The following ZNF611 variants were observed in gnomAD, a reference collection of about 807,000 sequenced individuals.
ZNF611 encodes zinc finger protein 611.
Under a neutral mutation model 8.9 loss-of-function variants are expected in ZNF611, and 6 were observed. The observed-to-expected ratio is 0.68, with a 90% CI of 0.37 to 1.34. ZNF611 has a LOEUF of 1.34. Among genes scored for constraint, ZNF611 ranks in the 40% most tolerant of loss-of-function variants. ZNF611 has a pLI of 0.02. For synonymous variants in ZNF611, 262 were observed against 279.7 expected, an observed-to-expected ratio of 0.94 and a Z score of 0.63; for missense variants, 874 against 841.3, an observed-to-expected ratio of 1.04 and a Z score of -0.48.
chr19:52,734,187 GT>G (rs532673029), intron 1 of ZNF611, among the ~76,000 whole-genome samples: 1,824 of 84,626 alleles, frequency 0.022, 29 homozygotes, highest in African/African-American at 0.053. Flanking sequence ...GCTTTCTTAG[GT>G]TTTTTTTTTT....
Position 52,705,855 on chromosome 19 carries a change from A to C in ZNF611, c.1200T>G (p.Cys400Trp). 20 of 1,614,098 alleles carry C rather than the reference A, an allele frequency of 1.2e-5. No individual in the cohort carries two copies. Among genetic ancestry groups the C allele is most frequent in the African/African-American group, 8.0e-5 (6 of 75,012 alleles). The change falls in exon 6 of 6, where the codon TGT (cysteine) becomes TGG (tryptophan). Residue 400 changes from cysteine (C) to tryptophan (W), a missense_variant. By Grantham distance (215) the Cys-to-Trp change is radical. Transcript: ENST00000652185. ...ACGTGAAAGCTGTGTCACAAACCTT[A>C]CATCTGTATGGTTTCTCTCCAGTAT... Reference protein sequence around the residue: ...RIHTGEKPYRCKVCDTAFTWH... With the variant: ...RIHTGEKPYRWKVCDTAFTWH...
In ZNF611 at chr19:52,729,943, C is replaced by T. The variant is rs1971064; in HGVS notation, c.-159G>A. ...TGCAATTATGATGTCACAGGTACAG[C>T]TGCATATCACCAGGCAATACAGCAA... On this transcript the variant is annotated 5_prime_UTR_variant, in exon 2 of 6. Transcript: ENST00000652185. 94,148 of 151,976 alleles carry T rather than the reference C, an allele frequency of 0.62. 29,475 individuals carry two copies. Among genetic ancestry groups the T allele is most frequent in the African/African-American group, 0.71 (29,346 of 41,424 alleles). 9.4% of individuals were successfully genotyped at this position (151,976 alleles called of 1,614,324 possible).
intron 3 of ZNF611, 38 bp downstream of exon 3, chr19:52,728,692 C>T (rs998701454): frequency 7.2e-5 from 11 of 152,470 alleles, no homozygotes; most frequent in African/African-American, 2.2e-4. Context: ...CTCTCATTTA[C>T]TTCCTTGTCT....
At chr19:52,723,253 C>CG (rs1175951193) in intron 3 of ZNF611, among the ~76,000 whole-genome samples, 4 of 103,188 alleles carry the variant, frequency 3.9e-5, no homozygotes, top group Non-Finnish European at 5.6e-5. Flanking sequence ...CTTATTTAAC[C>CG]TTTTTTTTTT....
At chr19:52,714,818 C>T (rs12981333) in intron 4 of ZNF611, among the ~76,000 whole-genome samples, 36,095 of 56,728 alleles carry the variant, frequency 0.64, 15,113 homozygotes, top group African/African-American at 0.87. Flanking sequence ...GTCAACATGG[C>T]AAAACCATGT....
At chr19:52,713,474 C>T (rs1568602981) in intron 5 of ZNF611, among the ~76,000 whole-genome samples, 1 of 152,082 alleles carries the variant, frequency 6.6e-6, no homozygotes, top group Non-Finnish European at 1.5e-5. Flanking sequence ...GCTGTGAGCC[C>T]GAATGATGTC....
chr19:52,731,737 G>T (rs533274911), intron 1 of ZNF611, among the ~76,000 whole-genome samples: 1 of 152,020 alleles, frequency 6.6e-6, no homozygotes, highest in Non-Finnish European at 1.5e-5. Context: ...TTGGGAGGCC[G>T]AGGCAGGTGG....
At chr19:52,708,977 A>G (rs969080891) in intron 5 of ZNF611, 2 of 152,252 alleles carry the variant, frequency 1.3e-5, no homozygotes, top group African/African-American at 4.8e-5. Context: ...CTAGTTCACT[A>G]TGCATAAAAT....
Position 52,706,389 on chromosome 19 carries a change from C to T in ZNF611, c.666G>A (p.Gln222=). 1 of 1,614,176 alleles carries T rather than the reference C, an allele frequency of 6.2e-7. No individual in the cohort carries two copies. The highest frequency in any genetic ancestry group is 1.6e-4 in the Middle Eastern group (1 of 6,062). Residue 222 remains glutamine, a synonymous_variant, in exon 6 of 6, where the codon CAG becomes CAA. Transcript: ENST00000652185. The part of the protein sequence containing the change: ...PLNSSLLPQK[Q]EVHMREKSFQ... ...AAGATTTTTCTCTCATGTGTACTTC[C>T]TGTTTTTGTGGGAGTAATGAAGAAT...
At chr19:52,725,504 C>T (rs1251343748) in intron 3 of ZNF611, among the ~76,000 whole-genome samples, 1 of 152,192 alleles carries the variant, frequency 6.6e-6, no homozygotes, top group African/African-American at 2.4e-5. Context: ...GAAGTGTATA[C>T]ATTGCCCTAT....
chr19:52,720,202 C>T (rs2062345846), intron 3 of ZNF611, among the ~76,000 whole-genome samples: 1 of 152,258 alleles, frequency 6.6e-6, no homozygotes, highest in African/African-American at 2.4e-5. Flanking sequence ...TCTGATCTCT[C>T]TTGCTTTTCT....
chr19:52,707,906 C>A lies in ZNF611; in HGVS notation c.191-1042G>T, dbSNP rs183032419. 5.9e-5 allele frequency among the ~76,000 whole-genome samples: 9 copies of A among 152,086 alleles called. No homozygotes were observed. In the East Asian group the frequency reaches 1.2e-3, roughly 20 times the overall value. The stretch of plus-strand genomic sequence containing the variant: ...TCGGCCTCCCAAAGTTCTGGGATTA[C>A]AGGTGTGAGCCACTGCACCTGGTGG... On this transcript the variant is annotated intron_variant, in intron 5 of 5. Coordinates refer to ENST00000652185, the MANE Select transcript of ZNF611 (RefSeq NM_001161499.2).
chr19:52,725,924 C>T (rs1568608666), intron 3 of ZNF611, among the ~76,000 whole-genome samples: 1 of 152,208 alleles, frequency 6.6e-6, no homozygotes, highest in East Asian at 1.9e-4. Context: ...CGCCTCGCAC[C>T]CAGCGCCTCT....
At chr19:52,712,749 G>C (rs2147425005) in intron 5 of ZNF611, among the ~76,000 whole-genome samples, 1 of 152,198 alleles carries the variant, frequency 6.6e-6, no homozygotes, top group South Asian at 2.1e-4. Flanking sequence ...CACTTCCAAA[G>C]TGCTGGGATT....
intron 5 of ZNF611, chr19:52,708,914 T>C (rs562295590): frequency 5.9e-5 from 9 of 152,340 alleles, no homozygotes; most frequent in South Asian, 2.1e-4. Context: ...ACTACACTTA[T>C]GTAACAGCCA....
Position 52,722,256 on chromosome 19 carries a change from C to T in ZNF611, c.-19-6343G>A, listed in dbSNP as rs547573826. ...AACTAGCCGGGCTTGGTGTCTCACA[C>T]CTGTGGTCTCAGCTACTCAGGAGAC... On this transcript the variant is annotated intron_variant, in intron 3 of 5. Coordinates refer to ENST00000652185, the MANE Select transcript of ZNF611 (RefSeq NM_001161499.2). 3.3e-5 allele frequency among the ~76,000 whole-genome samples: 5 copies of T among 152,050 alleles called. No individual in the cohort carries two copies. In the South Asian group the frequency reaches 8.3e-4, roughly 25 times the overall value.
chr19:52,720,197 T>C (rs112109833), intron 3 of ZNF611, among the ~76,000 whole-genome samples: 2,362 of 152,334 alleles, frequency 0.016, 63 homozygotes, highest in African/African-American at 0.053. Flanking sequence ...AACAATCTGA[T>C]CTCTCTTGCT....
intron 4 of ZNF611, among the ~76,000 whole-genome samples, chr19:52,714,621 G>A (rs1448837745): frequency 6.7e-6 from 1 of 149,766 alleles, no homozygotes; most frequent in Non-Finnish European, 1.5e-5. Flanking sequence ...CCGGGAGATG[G>A]AGGCTGCAGT....
At chr19:52,726,083 C>T (rs1352781062) in intron 3 of ZNF611, among the ~76,000 whole-genome samples, 1 of 152,208 alleles carries the variant, frequency 6.6e-6, no homozygotes, top group Non-Finnish European at 1.5e-5. Flanking sequence ...TGATGGCCCA[C>T]AGAACAGAAC....
Sources: gnomAD v4.1 joint callset for allele counts (sites outside exome capture counted in the v4.1 genomes callset) on GRCh38, gnomAD v4.1.1 for gene constraint, MANE v1.5 for transcripts, NCBI Gene and HGNC (gene_info 2026-07-23, HGNC 2026-07-21) for gene names.